Variants in DCAKD observed in about 807,000 individuals in gnomAD.
The protein encoded by DCAKD is dephospho-CoA kinase domain containing.
A neutral mutation model predicts 18.7 loss-of-function variants in DCAKD; 15 were observed. The ratio of observed to expected loss-of-function variants is 0.80; its 90% CI spans 0.54 to 1.24. The LOEUF (loss-of-function observed/expected upper bound fraction) is 1.24, where lower values mean the gene tolerates loss of function less well. Among genes scored for constraint, DCAKD ranks in the 50% most tolerant of loss-of-function variants. The pLI, the probability that DCAKD is intolerant of heterozygous loss-of-function variation, is 0.00. For missense variants in DCAKD, 301 were observed against 322.0 expected, an observed-to-expected ratio of 0.93 and a Z score of 0.50; for synonymous variants, 130 against 133.0, an observed-to-expected ratio of 0.98 and a Z score of 0.16.
In DCAKD at chr17:45,028,688, GCATGAGCCA is replaced by G. The variant is rs1421227290; in HGVS notation, c.404+1395_404+1403del. On this transcript the variant is annotated intron_variant, in intron 4 of 4. Coordinates refer to ENST00000651974, the MANE Select transcript of DCAKD (RefSeq NM_001288655.2). The stretch of plus-strand genomic sequence containing the variant: ...GCCTCCCAAAGTGCTGGGATTATAG[GCATGAGCCA>G]CTGCACCCAGCCTTTTTTTTGAGAT... Among the ~76,000 whole-genome samples, 9 of 150,334 alleles carry G rather than the reference GCATGAGCCA, an allele frequency of 6.0e-5. 1 individual carries two copies. The highest frequency in any genetic ancestry group is 2.2e-4 in the African/African-American group (9 of 40,602).
At chr17:45,054,324 T>C (rs1490583146), upstream of DCAKD, among the ~76,000 whole-genome samples, 7 of 152,046 alleles carry the variant, frequency 4.6e-5, no homozygotes, top group Non-Finnish European at 1.0e-4. Context: ...CTCAGCTCAC[T>C]GCAACCTCCG....
rs551061801 is a variant in DCAKD at position 45,043,941 on chromosome 17, G to A, written c.-115+7420C>T. Among the ~76,000 whole-genome samples the A allele has an allele frequency of 3.9e-5, 6 of 152,146 alleles. No individual in the cohort carries two copies. The South Asian group carries it at 1.0e-3, about 26-fold the overall frequency. On this transcript the variant is annotated intron_variant, in intron 1 of 4. Transcript: ENST00000651974. Reference sequence around the variant, plus strand: ...CCTGCACAGCCCACAAGGAGCCCCCGGTGCATGAGCGCCACCATGTCGCTG... The same window carrying A: ...CCTGCACAGCCCACAAGGAGCCCCCAGTGCATGAGCGCCACCATGTCGCTG...
chr17:45,034,235 C>T lies in DCAKD; in HGVS notation c.268G>A (p.Glu90Lys), dbSNP rs746572447. 173 of 1,614,070 alleles carry T rather than the reference C, an allele frequency of 1.1e-4. No homozygotes were observed. The highest frequency in any genetic ancestry group is 5.1e-4 in the South Asian group (46 of 91,052). Residue 90 changes from glutamate to lysine, a missense_variant, in exon 3 of 5, where the codon GAG becomes AAG. Physicochemically the swap from Glu to Lys is moderately conservative, Grantham distance 56. Transcript: ENST00000651974. ...TCCTTCATCATCTCCTTGCGAATCTCGGGGTGGGTGATGGCGTTGAGCAGC... is the reference window on the plus strand; with the variant it reads ...TCCTTCATCATCTCCTTGCGAATCTTGGGGTGGGTGATGGCGTTGAGCAGC... Reference protein sequence around the residue: ...RQLLNAITHPEIRKEMMKETF... With the variant: ...RQLLNAITHPKIRKEMMKETF...
At chr17:45,059,605 T>C (rs1005205222) in intron 1 of DCAKD, among the ~76,000 whole-genome samples, 4 of 152,188 alleles carry the variant, frequency 2.6e-5, no homozygotes, top group South Asian at 2.1e-4. Flanking sequence ...TCCCCTGATA[T>C]AGAATACGCA....
chr17:45,030,583 GT>G (rs2053154991), intron 3 of DCAKD, among the ~76,000 whole-genome samples: 1 of 152,216 alleles, frequency 6.6e-6, no homozygotes, highest in Non-Finnish European at 1.5e-5. Context: ...GGCACTAAGG[GT>G]TTAGTTCACC....
At chr17:45,049,710 TTCC>T in intron 1 of DCAKD, among the ~76,000 whole-genome samples, 1 of 126,838 alleles carries the variant, frequency 7.9e-6, no homozygotes. Flanking sequence ...TCTTTTTCTT[TTCC>T]TTTTTTTTTT....
chr17:45,059,196 C>T (rs889235648), intron 1 of DCAKD, among the ~76,000 whole-genome samples: 4 of 151,956 alleles, frequency 2.6e-5, no homozygotes, highest in Non-Finnish European at 4.4e-5. Context: ...GCCAAAATCG[C>T]GCCACTGCAA....
upstream of DCAKD, among the ~76,000 whole-genome samples, chr17:45,056,169 A>C (rs552304592): frequency 6.6e-6 from 1 of 151,668 alleles, no homozygotes; most frequent in East Asian, 1.9e-4. Flanking sequence ...AAAAAAAAAA[A>C]AAGAAGGTTA....
intron 1 of DCAKD, among the ~76,000 whole-genome samples, chr17:45,044,521 G>A (rs1235087707): frequency 6.6e-6 from 1 of 152,010 alleles, no homozygotes; most frequent in Non-Finnish European, 1.5e-5. Context: ...GCAAAATCCT[G>A]TCTCTACTAA....
chr17:45,033,955 A>G lies in DCAKD; in HGVS notation c.316+232T>C, dbSNP rs764494670. 2.6e-6 allele frequency: 4 copies of G among 1,568,172 alleles called. No individual in the cohort carries two copies. The African/African-American group carries it at 5.4e-5, about 21-fold the overall frequency. On this transcript the variant is annotated intron_variant, in intron 3 of 4. Coordinates refer to ENST00000651974, the MANE Select transcript of DCAKD (RefSeq NM_001288655.2). ...CTTACTTCCTGGGCTCATGGCTCGA[A>G]AGCCTCATGTGTCTCTTCTCATTAA... is the stretch of plus-strand genomic sequence containing the variant.
At chr17:45,047,569 G>A (rs909181497) in intron 1 of DCAKD, among the ~76,000 whole-genome samples, 1 of 147,972 alleles carries the variant, frequency 6.8e-6, no homozygotes, top group Non-Finnish European at 1.5e-5. Flanking sequence ...GCAGTGGCGC[G>A]ATCTTGGCTC....
At chr17:45,028,539 A>G (rs1466007328) in intron 4 of DCAKD, among the ~76,000 whole-genome samples, 2 of 147,088 alleles carry the variant, frequency 1.4e-5, no homozygotes, top group East Asian at 2.0e-4. Flanking sequence ...CCTCCCAAGT[A>G]GCTGGGATTA....
At chr17:45,058,610 C>T (rs1274478970) in intron 1 of DCAKD, among the ~76,000 whole-genome samples, 8 of 151,708 alleles carry the variant, frequency 5.3e-5, no homozygotes, top group East Asian at 2.0e-4. Context: ...TCAGTAGAGA[C>T]GGGGTTTCGC....
intron 1 of DCAKD, among the ~76,000 whole-genome samples, chr17:45,056,871 C>T (rs1036101359): frequency 4.6e-5 from 7 of 151,816 alleles, no homozygotes; most frequent in Admixed American, 1.3e-4. Flanking sequence ...TGGTTTACAC[C>T]GTTCTCCTGC....
At chr17:45,030,278 G>A in intron 3 of DCAKD, 99 bp from the exon 4 acceptor site, 1 of 1,064,390 alleles carries the variant, frequency 9.4e-7, no homozygotes, top group South Asian at 1.3e-5. Context: ...CCAGCAGAGG[G>A]GCAGGCCTTC....
At chr17:45,039,062 G>A (rs2053369898) in intron 1 of DCAKD, among the ~76,000 whole-genome samples, 1 of 152,236 alleles carries the variant, frequency 6.6e-6, no homozygotes, top group South Asian at 2.1e-4. Flanking sequence ...GGAATGGTCA[G>A]GTGGTGCTGG....
intron 1 of DCAKD, among the ~76,000 whole-genome samples, chr17:45,040,094 C>CAA (rs141592523): frequency 1.5e-4 from 21 of 137,438 alleles, no homozygotes; most frequent in South Asian, 2.4e-4. Flanking sequence ...GACTCCATCT[C>CAA]AAAAAAAAAA....
At chr17:45,046,578 T>C (rs1257325342) in intron 1 of DCAKD, among the ~76,000 whole-genome samples, 1 of 137,730 alleles carries the variant, frequency 7.3e-6, no homozygotes, top group Non-Finnish European at 1.5e-5. Flanking sequence ...ATCGTGCCAT[T>C]GCATTCCAGC....
At chr17:45,057,777 G>A (rs2053799994) in intron 1 of DCAKD, among the ~76,000 whole-genome samples, 1 of 151,546 alleles carries the variant, frequency 6.6e-6, no homozygotes, top group East Asian at 1.9e-4. Context: ...TTGGGAGAGC[G>A]AGGTGGGCGG....
Sources: allele counts gnomAD v4.1 joint callset (sites outside exome capture counted in the v4.1 genomes callset), GRCh38; gene constraint gnomAD v4.1.1; transcripts MANE v1.5; gene names NCBI Gene and HGNC (gene_info 2026-07-23, HGNC 2026-07-21).